C2orf66: variants seen among roughly 807,000 people sequenced by gnomAD.
C2orf66 encodes uncharacterized protein C2orf66.
A neutral mutation model predicts 7.0 loss-of-function variants in C2orf66; 6 were observed. The observed-to-expected ratio is 0.86, with a 90% confidence interval of 0.47 to 1.69. The LOEUF is 1.69. Ranked by LOEUF, C2orf66 falls within the 40% of genes most tolerant of loss-of-function variation. C2orf66 has a pLI of 0.01. For synonymous variants in C2orf66, 38 were observed against 43.8 expected (o/e 0.87, Z 0.52); for missense variants, 107 against 112.0 (o/e 0.96, Z 0.20).
At chr2:196,807,335 T>G in intron 2 of C2orf66, 89 bp downstream of exon 2, 1 of 762,668 alleles carries the variant, frequency 1.3e-6, no homozygotes, top group South Asian at 1.9e-5. Flanking sequence ...GGAAATAAAA[T>G]TATGTTTTCA....
chr2:196,811,103 T>C (rs1050543605), upstream of C2orf66, among the ~76,000 whole-genome samples: 8 of 152,142 alleles, frequency 5.3e-5, no homozygotes, highest in South Asian at 6.2e-4. Flanking sequence ...GAGAAGTGTG[T>C]CTAAAAAGGT....
At chr2:196,812,119 G>A (rs1009432304), upstream of C2orf66, among the ~76,000 whole-genome samples, 13 of 152,154 alleles carry the variant, frequency 8.5e-5, no homozygotes, top group African/African-American at 3.1e-4. Context: ...GAAAAGTGTT[G>A]TAGTTGTTAA....
the C2orf66 span, among the ~76,000 whole-genome samples, chr2:196,831,536 C>A: frequency 3.3e-5 from 5 of 152,096 alleles, no homozygotes; most frequent in African/African-American, 1.2e-4. Context: ...GGCCGGAATA[C>A]CACTCCATGC....
the C2orf66 span, among the ~76,000 whole-genome samples, chr2:196,816,417 T>C: frequency 1.3e-5 from 2 of 152,240 alleles, no homozygotes; most frequent in Non-Finnish European, 2.9e-5. Flanking sequence ...AAGTATAAAG[T>C]TGACCCTCAG....
upstream of C2orf66, among the ~76,000 whole-genome samples, chr2:196,812,184 C>T (rs1699883492): frequency 6.6e-6 from 1 of 151,918 alleles, no homozygotes; most frequent in Non-Finnish European, 1.5e-5. Flanking sequence ...AAATGAATAC[C>T]CTGGAATTGT....
At chr2:196,818,554 C>G in the C2orf66 span, among the ~76,000 whole-genome samples, 1 of 152,182 alleles carries the variant, frequency 6.6e-6, no homozygotes, top group Admixed American at 6.5e-5. Flanking sequence ...AAGTTCAAGC[C>G]ATTTCTCCTA....
the C2orf66 span, among the ~76,000 whole-genome samples, chr2:196,815,956 G>T: frequency 0.026 from 3,892 of 152,264 alleles, 162 homozygotes; most frequent in African/African-American, 0.088. Context: ...TGATGATGAG[G>T]ACTTCAAAAA....
the C2orf66 span, among the ~76,000 whole-genome samples, chr2:196,819,855 A>C: frequency 6.6e-6 from 1 of 152,234 alleles, no homozygotes; most frequent in Admixed American, 6.5e-5. Flanking sequence ...TCATATTTTA[A>C]TAAGGAGGGG....
At chr2:196,817,050 C>T in the C2orf66 span, among the ~76,000 whole-genome samples, 156 of 151,950 alleles carry the variant, frequency 1.0e-3, 1 homozygote, top group Middle Eastern at 6.8e-3. Context: ...GGGAGTAGGT[C>T]GCAAAGATTA....
At chr2:196,831,138 G>A in the C2orf66 span, among the ~76,000 whole-genome samples, 1 of 152,134 alleles carries the variant, frequency 6.6e-6, no homozygotes, top group Admixed American at 6.5e-5. Flanking sequence ...TTTCCCCAAA[G>A]GACTATCTGG....
chr2:196,816,631 CA>C, the C2orf66 span, among the ~76,000 whole-genome samples: 1 of 152,172 alleles, frequency 6.6e-6, no homozygotes, highest in South Asian at 2.1e-4. Flanking sequence ...ATTCATATCC[CA>C]AACCTCTGCA....
chr2:196,820,888 A>T, the C2orf66 span, among the ~76,000 whole-genome samples: 3 of 152,246 alleles, frequency 2.0e-5, no homozygotes, highest in Admixed American at 2.0e-4. Flanking sequence ...CCCCAAAGAC[A>T]TCAAGCCCTA....
At chr2:196,814,222 C>T (rs1185532935), upstream of C2orf66, among the ~76,000 whole-genome samples, 1 of 152,158 alleles carries the variant, frequency 6.6e-6, no homozygotes, top group African/African-American at 2.4e-5. Flanking sequence ...CACATATACA[C>T]CATGGAATAC....
Position 196,809,283 on chromosome 2 carries a change from A to G in C2orf66, c.54T>C (p.His18=), listed in dbSNP as rs1346643775. 4 of 1,613,996 alleles carry G rather than the reference A, an allele frequency of 2.5e-6. No homozygotes were observed. The highest frequency in any genetic ancestry group is 1.7e-6 in the Non-Finnish European group (2 of 1,180,010). ...LLCVALVLLG[H]VNGATVRNED... is the part of the protein sequence containing the mutation. ...CATTTCTTACTGTGGCTCCATTCAC[A>G]TGCCCAAGCAGCACCAGGGCAACAC... Residue 18 remains histidine, a synonymous_variant, in exon 1 of 3, where the codon CAT becomes CAC. Transcript: ENST00000342506.
At chr2:196,805,950 G>A (rs1699815640) in intron 2 of C2orf66, among the ~76,000 whole-genome samples, 1 of 152,006 alleles carries the variant, frequency 6.6e-6, no homozygotes, top group Non-Finnish European at 1.5e-5. Context: ...TATTCCACAT[G>A]GTAAGTTATA....
At chr2:196,830,107 C>G in the C2orf66 span, among the ~76,000 whole-genome samples, 1 of 152,308 alleles carries the variant, frequency 6.6e-6, no homozygotes, top group African/African-American at 2.4e-5. Flanking sequence ...TACTAAAACT[C>G]TCAAATTATT....
upstream of C2orf66, among the ~76,000 whole-genome samples, chr2:196,811,281 G>T (rs1699872707): frequency 6.6e-6 from 1 of 152,196 alleles, no homozygotes; most frequent in Non-Finnish European, 1.5e-5. Flanking sequence ...CATCAAAGAA[G>T]CTTGATCATA....
chr2:196,818,826 G>A, the C2orf66 span, among the ~76,000 whole-genome samples: 1 of 152,006 alleles, frequency 6.6e-6, no homozygotes, highest in Admixed American at 6.6e-5. Context: ...TTGCAAACAG[G>A]TCTTTGGCAG....
chr2:196,809,672 G>A, upstream of C2orf66: 1 of 240,252 alleles, frequency 4.2e-6, no homozygotes. Context: ...CAAAGAAACT[G>A]CAACTCTTAA....
Sources: gnomAD v4.1 joint callset for allele counts (sites outside exome capture counted in the v4.1 genomes callset) on GRCh38, gnomAD v4.1.1 for gene constraint, MANE v1.5 for transcripts, NCBI Gene and HGNC (gene_info 2026-07-23, HGNC 2026-07-21) for gene names.